Variants in DMRTB1 observed in about 807,000 individuals in gnomAD.
The protein encoded by DMRTB1 is doublesex- and mab-3-related transcription factor B1.
In DMRTB1, 9 loss-of-function variants were observed where a neutral mutation model predicts 25.2. The observed-to-expected ratio is 0.36, with a 90% CI of 0.22 to 0.62. The LOEUF is 0.62. Among genes scored for constraint, DMRTB1 ranks in the 20% least tolerant of loss-of-function variants. The pLI is 0.71. For synonymous variants in DMRTB1, 269 were observed against 238.1 expected (o/e 1.13, Z -1.20); for missense variants, 551 against 499.3 (o/e 1.10, Z -0.99).
At chr1:53,461,788 C>A in intron 2 of DMRTB1, 143 bp downstream of exon 2, 1 of 1,033,546 alleles carries the variant, frequency 9.7e-7, no homozygotes, top group Non-Finnish European at 1.3e-6. Context: ...GAGGACTAGG[C>A]ACTGCCCAGG....
chr1:53,465,284 C>T (rs562023597), intron 3 of DMRTB1, among the ~76,000 whole-genome samples: 297 of 152,234 alleles, frequency 2.0e-3, no homozygotes, highest in African/African-American at 6.8e-3. Context: ...AGCAGGAACC[C>T]GTGTGGTGGG....
At position 53,461,524 on chromosome 1, in the gene DMRTB1, G is replaced by A. The variant is rs142750404; in HGVS notation, c.629G>A (p.Gly210Asp). The A allele has an allele frequency of 5.6e-6, 9 of 1,611,750 alleles. No homozygotes were observed. The Admixed American group carries it at 8.4e-5, about 15-fold the overall frequency. ...PDRALGPEYP[G>D]GSSMHPYCPF... Reference sequence around the variant, plus strand: ...CGTGCACTGGGCCCTGAGTACCCTGGTGGCTCCAGCATGCACCCCTACTGC... The same window carrying A: ...CGTGCACTGGGCCCTGAGTACCCTGATGGCTCCAGCATGCACCCCTACTGC... The change falls in exon 2 of 4, where the codon GGT becomes GAT. Residue 210 changes from glycine to aspartate, a missense_variant. Coordinates refer to ENST00000371445, the MANE Select transcript of DMRTB1 (RefSeq NM_033067.3).
Position 53,459,426 on chromosome 1 carries a change from G to A in DMRTB1, c.-28G>A, listed in dbSNP as rs541580193. ...TTGCTCTGCAGCTCCCAGAGGTGGT[G>A]GTTGTGTTACGAAGGCTGACCCTGC... On this transcript the variant is annotated 5_prime_UTR_variant, in exon 1 of 4. Coordinates refer to ENST00000371445, the MANE Select transcript of DMRTB1 (RefSeq NM_033067.3). 1 of 1,612,504 alleles carries A rather than the reference G, an allele frequency of 6.2e-7. No individual in the cohort carries two copies. Among genetic ancestry groups the A allele is most frequent in the African/African-American group, 1.3e-5 (1 of 74,924 alleles).
Position 53,466,942 on chromosome 1 carries a change from T to C in DMRTB1, c.*280T>C. ...TCCCATTTAGGAATGAATTTAACTG[T>C]CCTTGGGTTACACTACCATTTATTG... On this transcript the variant is annotated 3_prime_UTR_variant, in exon 4 of 4. Transcript: ENST00000371445. 1 of 452,850 alleles carries C rather than the reference T, an allele frequency of 2.2e-6. No individual in the cohort carries two copies. The highest frequency in any genetic ancestry group is 4.0e-5 in the South Asian group (1 of 24,884). The allele number at this position is 452,850 out of a possible 1,614,324, so 28.1% of individuals were successfully genotyped here. A position where few individuals can be genotyped will look rare whatever the true frequency, so the allele number is the denominator to read the frequency against.
Position 53,464,683 on chromosome 1 carries a change from C to A in DMRTB1, c.797C>A (p.Pro266Gln). 1.2e-6 allele frequency: 2 copies of A among 1,611,856 alleles called. No homozygotes were observed. Among genetic ancestry groups the A allele is most frequent in the Non-Finnish European group, 1.7e-6 (2 of 1,179,052 alleles). Residue 266 changes from proline to glutamine, a missense_variant, in exon 3 of 4, where the codon CCG (proline) becomes CAG (glutamine). Coordinates refer to ENST00000371445, the MANE Select transcript of DMRTB1 (RefSeq NM_033067.3). ...TTCCAGCCAAGCTACTACCTGCCGC[C>A]GCCGCCGCCGCCACTGCCGCCCCTT... ...GDFQPSYYLP[P>Q]PPPPLPPLPP...
chr1:53,464,795 T>A lies in DMRTB1; in HGVS notation c.909T>A (p.Pro303=), dbSNP rs1382362959. ...TCCCCCCGCCACCGCCACCACCACC[T>A]CCATCATCTTTCTCACTGACCGTCC... ...HFLPPPPPPP[P]PSSFSLTVLF... The change falls in exon 3 of 4, where the codon CCT becomes CCA. Residue 303 remains proline, a synonymous_variant. Transcript: ENST00000371445. The A allele has an allele frequency of 8.2e-6, 13 of 1,589,640 alleles. No individual in the cohort carries two copies. Among genetic ancestry groups the A allele is most frequent in the Admixed American group, 3.4e-5 (2 of 59,490 alleles).
At position 53,466,619 on chromosome 1, in the gene DMRTB1, C is replaced by T. The variant is rs138818482; in HGVS notation, c.986C>T (p.Ser329Leu). The T allele has an allele frequency of 9.5e-5, 154 of 1,614,118 alleles. No homozygotes were observed. Among genetic ancestry groups the T allele is most frequent in the South Asian group, 4.9e-4 (45 of 91,088 alleles). Residue 329 changes from serine (S) to leucine (L), a missense_variant, in exon 4 of 4, where the codon TCG becomes TTG. Transcript: ENST00000371445. ...GATGACCAGGATGCAGAGGTACTGT[C>T]GGGTGAGCCCAGCCAGCCATCGTCT... Reference protein sequence around the residue: ...NTDDQDAEVLSGEPSQPSSQE... With the variant: ...NTDDQDAEVLLGEPSQPSSQE...
At chr1:53,462,141 C>G (rs1267689289) in intron 2 of DMRTB1, among the ~76,000 whole-genome samples, 1 of 152,164 alleles carries the variant, frequency 6.6e-6, no homozygotes, top group African/African-American at 2.4e-5. Context: ...ACACTTGACA[C>G]CTTAGGAAAT....
At chr1:53,461,765 C>G (rs1644024422) in intron 2 of DMRTB1, 120 bp downstream of exon 2, 1 of 1,244,476 alleles carries the variant, frequency 8.0e-7, no homozygotes, top group African/African-American at 1.5e-5. Flanking sequence ...ATGCCAGCCC[C>G]CGAGTGCTGG....
chr1:53,464,521 G>A (rs1644039488), intron 2 of DMRTB1, 116 bp from the exon 3 acceptor site: 2 of 1,513,456 alleles, frequency 1.3e-6, no homozygotes, highest in East Asian at 4.5e-5. Context: ...TGTGTGTTTG[G>A]GGCCGTGCAT....
chr1:53,464,393 C>T (rs143619096), intron 2 of DMRTB1, among the ~76,000 whole-genome samples: 410 of 152,314 alleles, frequency 2.7e-3, no homozygotes, highest in Non-Finnish European at 4.1e-3. Context: ...TACAGAAGGG[C>T]TCTGTCACTG....
Position 53,459,649 on chromosome 1 carries a change from G to C in DMRTB1, c.196G>C (p.Glu66Gln). ...GACGCAGGCCGCCGAGGAGGAGCAG[G>C]AGGCGGCCCTGTGTGCGCAGGGGCC... is the stretch of plus-strand genomic sequence containing the variant. ...LKTQAAEEEQ[E>Q]AALCAQGPKQ... The change falls in exon 1 of 4, where the codon GAG becomes CAG. Residue 66 changes from glutamate (E) to glutamine (Q), a missense_variant. Transcript: ENST00000371445. 1 of 1,553,090 alleles carries C rather than the reference G, an allele frequency of 6.4e-7. No homozygotes were observed. The highest frequency in any genetic ancestry group is 8.7e-7 in the Non-Finnish European group (1 of 1,149,552).
intron 2 of DMRTB1, among the ~76,000 whole-genome samples, chr1:53,461,854 T>G (rs1162866260): frequency 6.6e-6 from 1 of 152,226 alleles, no homozygotes; most frequent in Non-Finnish European, 1.5e-5. Flanking sequence ...CCACTCGGCT[T>G]GGGCTATGGC....
chr1:53,463,829 A>C (rs926790849), intron 2 of DMRTB1, among the ~76,000 whole-genome samples: 1 of 152,216 alleles, frequency 6.6e-6, no homozygotes, highest in Non-Finnish European at 1.5e-5. Flanking sequence ...AGTGAATGAC[A>C]GGAACTACAT....
intron 3 of DMRTB1, 104 bp from the exon 4 acceptor site, chr1:53,466,490 CA>C: frequency 4.1e-6 from 5 of 1,212,730 alleles, no homozygotes; most frequent in Non-Finnish European, 4.8e-6. Context: ...GACTCTGTCT[CA>C]AAAAAATTAA....
rs1370243592 is a variant in DMRTB1, at chr1:53,459,458, C to T, written c.5C>T (p.Ala2Val). The T allele has an allele frequency of 6.2e-7, 1 of 1,613,048 alleles. No homozygotes were observed. Among genetic ancestry groups the T allele is most frequent in the African/African-American group, 1.3e-5 (1 of 75,044 alleles). Residue 2 changes from alanine (A) to valine (V), a missense_variant, in exon 1 of 4, where the codon GCC becomes GTC. Ala to Val is a moderately conservative substitution (Grantham distance 64, BLOSUM62 0). Coordinates refer to ENST00000371445, the MANE Select transcript of DMRTB1 (RefSeq NM_033067.3). M[A>V]DKMVRTPKCS... ...TTACGAAGGCTGACCCTGCCAATGG[C>T]CGACAAAATGGTGCGCACCCCCAAG...
In DMRTB1 at chr1:53,459,767, G is replaced by A. The variant is rs1644007995; in HGVS notation, c.314G>A (p.Gly105Glu). ...LRPLSPGTPSGDADPGPEGRA... is the reference protein window; with the variant it reads ...LRPLSPGTPSEDADPGPEGRA... The stretch of plus-strand genomic sequence containing the variant: ...CCGCTGTCCCCGGGGACTCCCTCCG[G>A]AGACGCCGACCCGGGACCCGAGGGC... The change falls in exon 1 of 4, where the codon GGA (glycine) becomes GAA (glutamate). Residue 105 changes from glycine (G) to glutamate (E), a missense_variant. Gly to Glu is a moderately conservative substitution (Grantham distance 98). Coordinates refer to ENST00000371445, the MANE Select transcript of DMRTB1 (RefSeq NM_033067.3). 1.5e-6 allele frequency: 2 copies of A among 1,374,846 alleles called. No individual in the cohort carries two copies. Among genetic ancestry groups the A allele is most frequent in the South Asian group, 1.5e-5 (1 of 64,872 alleles). The allele number at this position is 1,374,846 out of a possible 1,614,324, so 85.2% of individuals were successfully genotyped here.
In DMRTB1 at chr1:53,466,892, C is replaced by CT. The variant is rs1644053379; in HGVS notation, c.*231dup. The CT allele has an allele frequency of 3.7e-6, 2 of 545,452 alleles. No individual in the cohort carries two copies. Among genetic ancestry groups the CT allele is most frequent in the Admixed American group, 3.5e-5 (1 of 28,530 alleles). The allele number at this position is 545,452 out of a possible 1,614,324, so 33.8% of individuals were successfully genotyped here. A position where few individuals can be genotyped will look rare whatever the true frequency, so the allele number is the denominator to read the frequency against. On this transcript the variant is annotated 3_prime_UTR_variant, in exon 4 of 4. Transcript: ENST00000371445. Reference sequence around the variant, plus strand: ...CTATTACCAGGGGAGGGCCAGGGCTCTGAGGAGTGGGCGCTGGGAGAAGCT... The same window carrying CT: ...CTATTACCAGGGGAGGGCCAGGGCTCTTGAGGAGTGGGCGCTGGGAGAAGCT...
At position 53,466,969 on chromosome 1, in the gene DMRTB1, A is replaced by G; in HGVS notation, c.*307A>G. On this transcript the variant is annotated 3_prime_UTR_variant, in exon 4 of 4. Transcript: ENST00000371445. ...CTTGGGTTACACTACCATTTATTGG[A>G]ACAAGCCCCAGAGGCAGTATTTGAT... 1 of 360,464 alleles carries G rather than the reference A, an allele frequency of 2.8e-6. No homozygotes were observed. The highest frequency in any genetic ancestry group is 5.0e-6 in the Non-Finnish European group (1 of 199,438). 22.3% of individuals were successfully genotyped at this position (360,464 alleles called of 1,614,324 possible). A position where few individuals can be genotyped will look rare whatever the true frequency, so the allele number is the denominator to read the frequency against.
Sources: gnomAD v4.1 joint callset for allele counts (sites outside exome capture counted in the v4.1 genomes callset) on GRCh38, gnomAD v4.1.1 for gene constraint, MANE v1.5 for transcripts, NCBI Gene and HGNC (gene_info 2026-07-23, HGNC 2026-07-21) for gene names.